ATM: variants seen among roughly 807,000 people sequenced by gnomAD.
The protein encoded by ATM is ATM serine/threonine kinase, also known as serine-protein kinase ATM.
In ATM, 308 loss-of-function variants were observed where a neutral mutation model predicts 387.0. The observed-to-expected ratio is 0.80, with a 90% CI of 0.73 to 0.87. ATM has a LOEUF of 0.87. Ranked by LOEUF, ATM falls within the 40% of genes least tolerant of loss-of-function variation. ATM has a pLI of 0.00. For synonymous variants in ATM, 1,156 were observed against 1,187.3 expected, an observed-to-expected ratio of 0.97 and a Z score of 0.54; for missense variants, 3,312 against 3,560.9, an observed-to-expected ratio of 0.93 and a Z score of 1.78.
intron 36 of ATM, 140 bp downstream of exon 36, chr11:108,303,169 T>G: frequency 1.1e-6 from 1 of 929,164 alleles, no homozygotes; most frequent in South Asian, 1.7e-5. Context: ...GCATCCGTAT[T>G]TAGTCATAAC....
chr11:108,268,325 TGAAGAGGA>T, intron 17 of ATM, 77 bp from the exon 18 acceptor site: 1 of 1,280,044 alleles, frequency 7.8e-7, no homozygotes, highest in South Asian at 1.3e-5. Context: ...CTTTTTTTTG[TGAAGAGGA>T]GGAAATTTGA....
intron 32 of ATM, 119 bp downstream of exon 32, chr11:108,295,178 C>G: frequency 1.5e-6 from 2 of 1,335,420 alleles, no homozygotes. Context: ...TCATTTAGTT[C>G]AGACCCTCAT....
In ATM at chr11:108,353,822, C is replaced by T. The variant is rs1555142851; in HGVS notation, c.8728C>T (p.Leu2910Phe). Residue 2910 changes from leucine to phenylalanine, a missense_variant, in exon 60 of 63, where the codon CTC becomes TTC. Leu to Phe is a conservative substitution (Grantham distance 22). Transcript: ENST00000675843. ...LPTPETVPFR[L>F]TRDIVDGMGI... ...TACTCCTGAGACAGTTCCTTTTAGACTCACCAGAGATATTGTGGATGGCAT... is the reference window on the plus strand; with the variant it reads ...TACTCCTGAGACAGTTCCTTTTAGATTCACCAGAGATATTGTGGATGGCAT... 6.2e-7 allele frequency: 1 copy of T among 1,614,068 alleles called. No homozygotes were observed. The highest frequency in any genetic ancestry group is 8.5e-7 in the Non-Finnish European group (1 of 1,180,002).
At chr11:108,274,113 C>G (rs2081785636) in intron 22 of ATM, among the ~76,000 whole-genome samples, 1 of 152,106 alleles carries the variant, frequency 6.6e-6, no homozygotes, top group South Asian at 2.1e-4. Flanking sequence ...TTGTATGTGT[C>G]TAGGAATTTA....
rs755656958 is a variant in ATM, at chr11:108,325,350, T to C, written c.6613T>C (p.Trp2205Arg). ...HRQLSEVYIK[W>R]QKHSQLLKDS... is the part of the protein sequence containing the mutation. ...ACAACTCTCTGAAGTATATATTAAG[T>C]GGCAGAAACACTCCCAGCTTCTCAA... Residue 2205 changes from tryptophan to arginine, a missense_variant, in exon 46 of 63, where the codon TGG becomes CGG. By Grantham distance (101) the Trp-to-Arg change is moderately radical. This residue lies in a region of ATM where 1,405 missense variants were observed against 1,604.4 expected (regional missense o/e 0.88). Transcript: ENST00000675843. 1.2e-6 allele frequency: 2 copies of C among 1,612,734 alleles called. 1 individual carries two copies. Among genetic ancestry groups the C allele is most frequent in the South Asian group, 2.2e-5 (2 of 91,038 alleles).
At chr11:108,363,047 C>T (rs1404613882) in intron 61 of ATM, among the ~76,000 whole-genome samples, 1 of 152,170 alleles carries the variant, frequency 6.6e-6, no homozygotes, top group African/African-American at 2.4e-5. Context: ...CCTAATCTTC[C>T]CTCCGTAAAT....
In ATM at chr11:108,271,305, C is replaced by A. The variant is rs1283172338; in HGVS notation, c.2976C>A (p.Asn992Lys). Residue 992 changes from asparagine to lysine, a missense_variant, in exon 20 of 63, where the codon AAC (asparagine) becomes AAA (lysine). Asn to Lys is a moderately conservative substitution (Grantham distance 94, BLOSUM62 0). Transcript: ENST00000675843. ...RDQDVCKTIL[N>K]HVLHVVKNLG... ...AAGATGTTTGTAAAACTATTTTAAA[C>A]CATGTCCTTCATGTAGTGAAAAACC... 1 of 1,613,482 alleles carries A rather than the reference C, an allele frequency of 6.2e-7. No individual in the cohort carries two copies. Among genetic ancestry groups the A allele is most frequent in the Non-Finnish European group, 8.5e-7 (1 of 1,179,956 alleles).
intron 14 of ATM, 23 bp downstream of exon 14, chr11:108,256,363 A>G: frequency 6.3e-7 from 1 of 1,598,878 alleles, no homozygotes; most frequent in Non-Finnish European, 8.6e-7. Flanking sequence ...ATACTAATAA[A>G]GTTTCGGATA....
intron 43 of ATM, 91 bp from the exon 44 acceptor site, chr11:108,319,863 T>A: frequency 3.4e-6 from 3 of 894,700 alleles, no homozygotes; most frequent in South Asian, 3.0e-5. Flanking sequence ...AATGTTAATT[T>A]AAAAATTTTG....
chr11:108,243,038 G>T (rs2079643614), intron 5 of ATM, among the ~76,000 whole-genome samples: 1 of 151,888 alleles, frequency 6.6e-6, no homozygotes, highest in Non-Finnish European at 1.5e-5. Flanking sequence ...TGGGCAACAT[G>T]GTGAAATCCT....
At position 108,363,483 on chromosome 11, in the gene ATM, G is replaced by A. The variant is rs143698165; in HGVS notation, c.8851-1599G>A. Among the ~76,000 whole-genome samples the A allele has an allele frequency of 8.0e-3, 1,213 of 152,292 alleles. 8 individuals carry two copies. The highest frequency in any genetic ancestry group is 0.025 in the African/African-American group (1,038 of 41,552). On this transcript the variant is annotated intron_variant, in intron 61 of 62. Coordinates refer to ENST00000675843, the MANE Select transcript of ATM (RefSeq NM_000051.4). ...ACTCAGTGATGCTTAGCCAAGAGCA[G>A]TTTTGTCCCCTAGAGGACAGTTGGC...
intron 61 of ATM, among the ~76,000 whole-genome samples, chr11:108,357,602 A>G (rs1403077594): frequency 6.6e-6 from 1 of 152,180 alleles, no homozygotes; most frequent in African/African-American, 2.4e-5. Flanking sequence ...AGATCGGACA[A>G]CAGGCAGACT....
intron 18 of ATM, 57 bp downstream of exon 18, chr11:108,268,666 G>A (rs2135528808): frequency 6.5e-7 from 1 of 1,533,188 alleles, no homozygotes; most frequent in South Asian, 1.1e-5. Context: ...CTGACTAAAT[G>A]TAATGAGTTG....
At chr11:108,264,468 G>A (rs2081097938) in intron 16 of ATM, among the ~76,000 whole-genome samples, 1 of 152,166 alleles carries the variant, frequency 6.6e-6, no homozygotes. Context: ...ATTAGGTATT[G>A]ATGGGACGTA....
Position 108,301,716 on chromosome 11 carries a change from T to C in ATM, c.5246T>C (p.Phe1749Ser), listed in dbSNP as rs1591708790. 6.2e-7 allele frequency: 1 copy of C among 1,613,806 alleles called. No homozygotes were observed. The highest frequency in any genetic ancestry group is 8.5e-7 in the Non-Finnish European group (1 of 1,179,798). Residue 1749 changes from phenylalanine (F) to serine (S), a missense_variant, in exon 35 of 63, where the codon TTC becomes TCC. By Grantham distance (155) the Phe-to-Ser change is radical. This residue lies in a region of ATM where 1,405 missense variants were observed against 1,604.4 expected (regional missense o/e 0.88). Coordinates refer to ENST00000675843, the MANE Select transcript of ATM (RefSeq NM_000051.4). The part of the protein sequence containing the change: ...NILATKTGHS[F>S]WEIYKMTTDP... ...TTAGCCACAAAGACTGGACATAGTT[T>C]CTGGGAGATTTATAAGATGACAACA...
At position 108,227,498 on chromosome 11, in the gene ATM, T is replaced by C. The variant is rs1047093670; in HGVS notation, c.-30-97T>C. ...TTAAATCTAACTATAAATACTGCAG[T>C]ATAAAATAATTATATACACATTTTT... On this transcript the variant is annotated intron_variant, in intron 1 of 62. Coordinates refer to ENST00000675843, the MANE Select transcript of ATM (RefSeq NM_000051.4). 7.8e-6 allele frequency: 6 copies of C among 767,768 alleles called. No individual in the cohort carries two copies. In the East Asian group the frequency reaches 1.4e-4, roughly 17 times the overall value. 47.6% of individuals were successfully genotyped at this position (767,768 alleles called of 1,614,324 possible).
intron 8 of ATM, among the ~76,000 whole-genome samples, chr11:108,247,612 TTGAGA>T (rs2079918270): frequency 6.6e-6 from 1 of 152,218 alleles, no homozygotes; most frequent in Non-Finnish European, 1.5e-5. Context: ...TTTTATTTTT[TTGAGA>T]TGGAGTCTTG....
In ATM at chr11:108,284,184, A is replaced by T. The variant is rs1221364941; in HGVS notation, c.3747-43A>T. 12 of 1,463,720 alleles carry T rather than the reference A, an allele frequency of 8.2e-6. No homozygotes were observed. Among genetic ancestry groups the T allele is most frequent in the Non-Finnish European group, 1.1e-5 (12 of 1,080,644 alleles). The allele number at this position is 1,463,720 out of a possible 1,614,324, so 90.7% of individuals were successfully genotyped here. On this transcript the variant is annotated intron_variant, in intron 25 of 62. Transcript: ENST00000675843. ...AACTATTTTATAAAATTTTACTTGG[A>T]AAAGTTATATATAACCTGTATTTTA...
intron 16 of ATM, among the ~76,000 whole-genome samples, chr11:108,261,795 G>T (rs370349459): frequency 6.6e-6 from 1 of 152,168 alleles, no homozygotes; most frequent in Non-Finnish European, 1.5e-5. Flanking sequence ...TAAAGGAGCC[G>T]ATGGAGCTGA....
Sources: gnomAD v4.1 joint callset for allele counts (sites outside exome capture counted in the v4.1 genomes callset) on GRCh38, gnomAD v4.1.1 for gene constraint, gnomAD v4.1.1 regional missense constraint, MANE v1.5 for transcripts, NCBI Gene and HGNC (gene_info 2026-07-23, HGNC 2026-07-21) for gene names.